EPGN: variants seen among roughly 807,000 people sequenced by gnomAD.
The protein encoded by EPGN is epithelial mitogen.
Under a neutral mutation model 20.7 loss-of-function variants are expected in EPGN, and 21 were observed. The observed-to-expected ratio is 1.01, with a 90% confidence interval of 0.72 to 1.46. The LOEUF (loss-of-function observed/expected upper bound fraction) is 1.46. Ranked by LOEUF, EPGN falls within the 40% of genes most tolerant of loss-of-function variation. The pLI is 0.00. For synonymous variants in EPGN, 69 were observed against 63.8 expected (o/e 1.08, Z -0.39); for missense variants, 199 against 180.7 (o/e 1.10, Z -0.58).
At chr4:74,313,400 C>T (rs1751095907) in intron 4 of EPGN, 5 of 1,361,760 alleles carry the variant, frequency 3.7e-6, no homozygotes, top group Non-Finnish European at 2.8e-6. Flanking sequence ...CGTACAGTCT[C>T]CCTTCAACCT....
At position 74,313,125 on chromosome 4, in the gene EPGN, T is replaced by C. The variant is rs772140254; in HGVS notation, c.362T>C (p.Leu121Pro). Residue 121 changes from leucine to proline, a missense_variant, in exon 4 of 5, where the codon CTA (leucine) becomes CCA (proline). Leu to Pro is a moderately conservative substitution (Grantham distance 98, BLOSUM62 -3). Transcript: ENST00000413830. The stretch of plus-strand genomic sequence containing the variant: ...GCAATTGGGATTGGTGTTGGATTAC[T>C]ATTAAGTGGTTTTCTTGTTATTTTT... Reference protein sequence around the residue: ...YIAIGIGVGLLLSGFLVIFYC... With the variant: ...YIAIGIGVGLPLSGFLVIFYC... 1.5e-5 allele frequency: 24 copies of C among 1,612,284 alleles called. No individual in the cohort carries two copies. Among genetic ancestry groups the C allele is most frequent in the South Asian group, 2.2e-5 (2 of 90,586 alleles).
At chr4:74,312,001 A>C (rs1262673809) in intron 2 of EPGN, among the ~76,000 whole-genome samples, 184 bp from the exon 3 acceptor site, 1 of 152,204 alleles carries the variant, frequency 6.6e-6, no homozygotes, top group Non-Finnish European at 1.5e-5. Flanking sequence ...ATAATATGTC[A>C]TATGTCTAGA....
At chr4:74,309,071 T>C in intron 1 of EPGN, 22 bp from the exon 2 acceptor site, 1 of 1,587,930 alleles carries the variant, frequency 6.3e-7, no homozygotes, top group Non-Finnish European at 8.6e-7. Context: ...CTGTTAAAGA[T>C]GCTTTTGCCC....
intron 3 of EPGN, 107 bp from the exon 4 acceptor site, chr4:74,312,911 A>T: frequency 1.0e-6 from 1 of 978,724 alleles, no homozygotes; most frequent in Non-Finnish European, 1.5e-6. Flanking sequence ...TTGCCTCTTT[A>T]ATTTAAATTC....
chr4:74,314,408 T>C, intron 4 of EPGN, 172 bp from the exon 5 acceptor site: 1 of 644,294 alleles, frequency 1.6e-6, no homozygotes, highest in South Asian at 1.9e-5. Flanking sequence ...GGGAGAAGAC[T>C]GCTGCCATGA....
intron 2 of EPGN, 127 bp from the exon 3 acceptor site, chr4:74,312,058 T>C: frequency 9.9e-7 from 1 of 1,005,246 alleles, no homozygotes; most frequent in Non-Finnish European, 1.4e-6. Context: ...AGAGAATCAA[T>C]AGTTTAAAGG....
At position 74,314,846 on chromosome 4, in the gene EPGN, T is replaced by G. The variant is rs922136; in HGVS notation, c.*209T>G. ...GTGATGGAAGCCAAGTGAACAAGCC[T>G]CAGTGACACAAGTCAAATTCATAGT... On this transcript the variant is annotated 3_prime_UTR_variant, in exon 5 of 5. Coordinates refer to ENST00000413830, the MANE Select transcript of EPGN (RefSeq NM_001270989.2). 11,623 of 562,606 alleles carry G rather than the reference T, an allele frequency of 0.021. 1,009 individuals are homozygous for G. The highest frequency in any genetic ancestry group is 0.19 in the African/African-American group (10,221 of 52,474). 34.9% of individuals were successfully genotyped at this position (562,606 alleles called of 1,614,324 possible).
intron 2 of EPGN, among the ~76,000 whole-genome samples, chr4:74,309,490 C>G (rs1388251271): frequency 6.6e-6 from 1 of 152,142 alleles, no homozygotes; most frequent in African/African-American, 2.4e-5. Flanking sequence ...TGTACAGAGA[C>G]AGTTTGTCCC....
In EPGN at chr4:74,309,183, G is replaced by A. The variant is rs1479436001; in HGVS notation, c.133+1G>A. 1 of 1,609,668 alleles carries A rather than the reference G, an allele frequency of 6.2e-7. No homozygotes were observed. The highest frequency in any genetic ancestry group is 1.1e-5 in the South Asian group (1 of 90,244). On this transcript the variant is annotated splice_donor_variant, in intron 2 of 4. Transcript: ENST00000413830. LOFTEE classifies it high-confidence loss of function. Reference sequence around the variant, plus strand: ...AACTGGACAGTTAACAAAACAGAAGGTATTTTCTTCCCATTTTCATATTTC... The same window carrying A: ...AACTGGACAGTTAACAAAACAGAAGATATTTTCTTCCCATTTTCATATTTC...
Position 74,314,871 on chromosome 4 carries a change from T to A in EPGN, c.*234T>A. ...TCAGTGACACAAGTCAAATTCATAG[T>A]TTCACTCTGGGTTTTTTGTTGTTGT... On this transcript the variant is annotated 3_prime_UTR_variant, in exon 5 of 5. Coordinates refer to ENST00000413830, the MANE Select transcript of EPGN (RefSeq NM_001270989.2). The A allele has an allele frequency of 1.9e-6, 1 of 537,250 alleles. No homozygotes were observed. Among genetic ancestry groups the A allele is most frequent in the Admixed American group, 3.4e-5 (1 of 29,698 alleles). The allele number at this position is 537,250 out of a possible 1,614,324, so 33.3% of individuals were successfully genotyped here.
rs754147758 is a variant in EPGN, at chr4:74,314,281, T to A, written c.408-299T>A. 101 of 508,706 alleles carry A rather than the reference T, an allele frequency of 2.0e-4. 2 individuals carry two copies. Among genetic ancestry groups the A allele is most frequent in the Non-Finnish European group, 2.5e-4 (68 of 273,366 alleles). The allele number at this position is 508,706 out of a possible 1,614,324, so 31.5% of individuals were successfully genotyped here. ...AGACCTCTCCCAAGGAGATGAGGCA[T>A]CTGGATTTCAATATCCCATATTATT... On this transcript the variant is annotated intron_variant, in intron 4 of 4. Transcript: ENST00000413830.
intron 2 of EPGN, 59 bp downstream of exon 2, chr4:74,309,241 T>G: frequency 6.9e-7 from 1 of 1,458,060 alleles, no homozygotes; most frequent in Non-Finnish European, 9.5e-7. Context: ...GAGAGAAATT[T>G]GGATTGTGAT....
chr4:74,309,961 T>C (rs1283340131), intron 2 of EPGN, among the ~76,000 whole-genome samples: 1 of 152,148 alleles, frequency 6.6e-6, no homozygotes, highest in Non-Finnish European at 1.5e-5. Flanking sequence ...TAAAGGAAGA[T>C]TGTCATATCT....
Position 74,314,763 on chromosome 4 carries a change from C to A in EPGN, c.*126C>A. On this transcript the variant is annotated 3_prime_UTR_variant, in exon 5 of 5. Transcript: ENST00000413830. The stretch of plus-strand genomic sequence containing the variant: ...TCGAAAATAATGAAAGTTGGGATCA[C>A]AATGAAATGAGAAGATAAAATTCAG... 1.1e-6 allele frequency: 1 copy of A among 882,976 alleles called. No homozygotes were observed. The highest frequency in any genetic ancestry group is 1.7e-6 in the Non-Finnish European group (1 of 582,422). 54.7% of individuals were successfully genotyped at this position (882,976 alleles called of 1,614,324 possible).
rs1419849260 is a variant in EPGN, at chr4:74,313,097, A to C, written c.334A>C (p.Ile112Leu). ...SYAVDSYEKY[I>L]AIGIGVGLLL... ...TGCTGTGGATTCTTATGAAAAATAC[A>C]TTGCAATTGGGATTGGTGTTGGATT... Residue 112 changes from isoleucine (I) to leucine (L), a missense_variant, in exon 4 of 5, where the codon ATT becomes CTT. Coordinates refer to ENST00000413830, the MANE Select transcript of EPGN (RefSeq NM_001270989.2). The C allele has an allele frequency of 5.0e-6, 8 of 1,613,138 alleles. No homozygotes were observed. Among genetic ancestry groups the C allele is most frequent in the South Asian group, 1.1e-5 (1 of 90,988 alleles).
rs2110359536 is a variant in EPGN at position 74,315,360 on chromosome 4, T to A, written c.*723T>A. The A allele has an allele frequency of 6.6e-6, 1 of 152,350 alleles. No homozygotes were observed. The highest frequency in any genetic ancestry group is 2.4e-5 in the African/African-American group (1 of 41,582). The allele number at this position is 152,350 out of a possible 1,614,324, so 9.4% of individuals were successfully genotyped here. A position where few individuals can be genotyped will look rare whatever the true frequency, so the allele number is the denominator to read the frequency against. ...CTGGAGTAGGCAAAGCATTTCCATTTCTACATGGATTATAAAACTTTGTGT... is the reference window on the plus strand; with the variant it reads ...CTGGAGTAGGCAAAGCATTTCCATTACTACATGGATTATAAAACTTTGTGT... On this transcript the variant is annotated 3_prime_UTR_variant, in exon 5 of 5. Transcript: ENST00000413830.
At position 74,311,153 on chromosome 4, in the gene EPGN, T is replaced by A. The variant is rs115984723; in HGVS notation, c.134-1032T>A. On this transcript the variant is annotated intron_variant, in intron 2 of 4. Transcript: ENST00000413830. ...AAAGATGAGTCTCTCTGGTATAACT[T>A]TTCTTTAGAAATGGCTTAATTCTCA... Among the ~76,000 whole-genome samples the A allele has an allele frequency of 9.5e-3, 1,447 of 152,250 alleles. 28 individuals are homozygous for A. The highest frequency in any genetic ancestry group is 0.033 in the African/African-American group (1,370 of 41,544).
rs897365737 is a variant in EPGN, at chr4:74,312,237, A to T, written c.186A>T (p.Glu62Asp). The T allele has an allele frequency of 3.1e-6, 5 of 1,613,464 alleles. No homozygotes were observed. The highest frequency in any genetic ancestry group is 4.2e-6 in the Non-Finnish European group (5 of 1,179,622). ...TGAAGTTCTCACACCTTTGCCTGGA[A>T]GATCATAACAGTTACTGCATCAACG... ...IALKFSHLCL[E>D]DHNSYCINGA... The change falls in exon 3 of 5, where the codon GAA (glutamate) becomes GAT (aspartate). Residue 62 changes from glutamate (E) to aspartate (D), a missense_variant. Coordinates refer to ENST00000413830, the MANE Select transcript of EPGN (RefSeq NM_001270989.2).
At chr4:74,310,461 CAAAAAAAAAAAAAA>C (rs10586282) in intron 2 of EPGN, among the ~76,000 whole-genome samples, 10 of 43,214 alleles carry the variant, frequency 2.3e-4, no homozygotes, top group African/African-American at 5.9e-4. Context: ...GAGTCCGTCT[CAAAAAAAAAAAAAA>C]AAAAAAAAAA....
Sources: allele counts gnomAD v4.1 joint callset (sites outside exome capture counted in the v4.1 genomes callset), GRCh38; gene constraint gnomAD v4.1.1; transcripts MANE v1.5; gene names NCBI Gene and HGNC (gene_info 2026-07-23, HGNC 2026-07-21).